Variants in DENND3 observed in about 807,000 individuals in gnomAD.
DENND3 encodes the protein DENN domain-containing protein 3.
A neutral mutation model predicts 135.1 loss-of-function variants in DENND3; 88 were observed. The ratio of observed to expected loss-of-function variants is 0.65; its 90% confidence interval spans 0.55 to 0.78. DENND3 has a LOEUF of 0.78. Among genes scored for constraint, DENND3 ranks in the 30% least tolerant of loss-of-function variants. DENND3 has a pLI of 0.00. For synonymous variants in DENND3, 693 were observed against 712.3 expected, an observed-to-expected ratio of 0.97 and a Z score of 0.43; for missense variants, 1,392 against 1,688.4, an observed-to-expected ratio of 0.82 and a Z score of 3.08.
chr8:141,135,909 C>T (rs1336125976), intron 1 of DENND3, among the ~76,000 whole-genome samples: 1 of 152,240 alleles, frequency 6.6e-6, no homozygotes, highest in Non-Finnish European at 1.5e-5. Flanking sequence ...TGCTGTTTCT[C>T]ACTCCATGCG....
In DENND3 at chr8:141,136,516, A is replaced by G. The variant is rs1359627162; in HGVS notation, c.110A>G (p.Tyr37Cys). 1.2e-5 allele frequency: 18 copies of G among 1,543,204 alleles called. No individual in the cohort carries two copies. The highest frequency in any genetic ancestry group is 2.4e-5 in the East Asian group (1 of 40,822). ...TATTTTTCCCTTTTTTAGGTTGCTTATAAAAAGGGAGTCAAACATCTTTCT... is the reference window on the plus strand; with the variant it reads ...TATTTTTCCCTTTTTTAGGTTGCTTGTAAAAAGGGAGTCAAACATCTTTCT... ...DSLRSLEQVAYKKGVKHLSAL... is the reference protein window; with the variant it reads ...DSLRSLEQVACKKGVKHLSAL... Residue 37 changes from tyrosine (Y) to cysteine (C), a missense_variant, in exon 2 of 23, where the codon TAT (tyrosine) becomes TGT (cysteine). Tyr to Cys is a radical substitution (Grantham distance 194). Coordinates refer to ENST00000519811, the MANE Select transcript of DENND3 (RefSeq NM_001352890.3).
In DENND3 at chr8:141,138,633, G is replaced by A. The variant is rs1179898142; in HGVS notation, c.501+496G>A. On this transcript the variant is annotated intron_variant, in intron 3 of 22. Coordinates refer to ENST00000519811, the MANE Select transcript of DENND3 (RefSeq NM_001352890.3). The surrounding 1 kb of genome is among the most constrained non-coding windows in gnomAD (Gnocchi z 4.8). ...ACTCCTGACCTCAGGTGATCCACCC[G>A]CCTCAGCCTCCCAAAGTGCTGGGAT... is the stretch of plus-strand genomic sequence containing the variant. Among the ~76,000 whole-genome samples, 7 of 152,072 alleles carry A rather than the reference G, an allele frequency of 4.6e-5. No homozygotes were observed. Among genetic ancestry groups the A allele is most frequent in the Non-Finnish European group, 8.8e-5 (6 of 68,008 alleles).
chr8:141,132,909 G>A (rs1480578774), intron 1 of DENND3, among the ~76,000 whole-genome samples: 1 of 152,198 alleles, frequency 6.6e-6, no homozygotes, highest in African/African-American at 2.4e-5. Flanking sequence ...CCAGGAGTGT[G>A]AATGAGGAAC....
intron 1 of DENND3, among the ~76,000 whole-genome samples, chr8:141,135,205 G>T (rs1296877227): frequency 2.0e-5 from 3 of 149,234 alleles, no homozygotes; most frequent in Non-Finnish European, 4.4e-5. Context: ...AGGCCGGAGC[G>T]CAGTGGTGTG....
At position 141,151,684 on chromosome 8, in the gene DENND3, G is replaced by A. The variant is rs377138571; in HGVS notation, c.921G>A (p.Thr307=). Reference sequence around the variant, plus strand: ...TCTCCTCGGACTGGGCTCTGCTGACGCTGGTCACTGAGTGCTTCATGGCCT... The same window carrying A: ...TCTCCTCGGACTGGGCTCTGCTGACACTGGTCACTGAGTGCTTCATGGCCT... ...VFFSSDWALL[T]LVTECFMAYL... Residue 307 remains threonine (T), a synonymous_variant, in exon 7 of 23, where the codon ACG becomes ACA. Transcript: ENST00000519811. 6.8e-6 allele frequency: 11 copies of A among 1,613,922 alleles called. No homozygotes were observed. The highest frequency in any genetic ancestry group is 5.3e-5 in the African/African-American group (4 of 74,868).
In DENND3 at chr8:141,157,077, C is replaced by T. The variant is rs141086459; in HGVS notation, c.1196+1107C>T. ...GATTACAGGCATGAACCACTGTGCC[C>T]GGCCTGGCACTTAATTTTTTCACAC... On this transcript the variant is annotated intron_variant, in intron 8 of 22. Coordinates refer to ENST00000519811, the MANE Select transcript of DENND3 (RefSeq NM_001352890.3). Among the ~76,000 whole-genome samples, 847 of 152,170 alleles carry T rather than the reference C, an allele frequency of 5.6e-3. 8 individuals carry two copies. Among genetic ancestry groups the T allele is most frequent in the African/African-American group, 0.018 (754 of 41,512 alleles).
intron 6 of DENND3, among the ~76,000 whole-genome samples, 197 bp from the exon 7 acceptor site, chr8:141,151,422 G>T (rs1315274346): frequency 6.6e-6 from 1 of 152,190 alleles, no homozygotes; most frequent in Non-Finnish European, 1.5e-5. Context: ...TGAGCTGGAT[G>T]TGGAGGCACG....
intron 15 of DENND3, chr8:141,177,045 C>T: frequency 2.5e-6 from 1 of 404,784 alleles, no homozygotes; most frequent in Non-Finnish European, 4.5e-6. Context: ...GGCGACATCC[C>T]AGAGAGTGGG....
chr8:141,178,292 G>A (rs1289589358), intron 16 of DENND3, 96 bp downstream of exon 16: 1 of 1,475,520 alleles, frequency 6.8e-7, no homozygotes, highest in Non-Finnish European at 9.0e-7. Context: ...GTAGAACCGA[G>A]CCCAGCTCCC....
At chr8:141,186,928 G>A (rs570836753) in intron 18 of DENND3, among the ~76,000 whole-genome samples, 54 of 152,294 alleles carry the variant, frequency 3.5e-4, no homozygotes, top group African/African-American at 1.3e-3. Context: ...CCGAGAGGCC[G>A]CTGAGTAGCT....
At position 141,154,068 on chromosome 8, in the gene DENND3, C is replaced by T. The variant is rs760872007; in HGVS notation, c.1075-1781C>T. On this transcript the variant is annotated intron_variant, in intron 7 of 22. Transcript: ENST00000519811. The surrounding 1 kb of genome is among the most constrained non-coding windows in gnomAD (Gnocchi z 4.4). ...CTGGGCGTTAACACATCCACGGGAC[C>T]GGCTGTGTGCCTCGCTGCTTTAGCG... Among the ~76,000 whole-genome samples, 8 of 152,218 alleles carry T rather than the reference C, an allele frequency of 5.3e-5. No individual in the cohort carries two copies. The highest frequency in any genetic ancestry group is 6.5e-5 in the Admixed American group (1 of 15,284).
intron 1 of DENND3, among the ~76,000 whole-genome samples, chr8:141,133,361 A>G (rs1816381524): frequency 6.6e-6 from 1 of 152,178 alleles, no homozygotes; most frequent in African/African-American, 2.4e-5. Flanking sequence ...CAGTATCATG[A>G]TGTGGCGAAA....
At chr8:141,161,012 C>T (rs1742145056) in intron 9 of DENND3, among the ~76,000 whole-genome samples, 1 of 152,180 alleles carries the variant, frequency 6.6e-6, no homozygotes, top group Non-Finnish European at 1.5e-5. Context: ...TTCCTAACAC[C>T]CTCTCCTGCT....
chr8:141,168,262 T>C lies in DENND3; in HGVS notation c.2012T>C (p.Phe671Ser). 1 of 1,614,178 alleles carries C rather than the reference T, an allele frequency of 6.2e-7. No individual in the cohort carries two copies. Among genetic ancestry groups the C allele is most frequent in the Non-Finnish European group, 8.5e-7 (1 of 1,180,038 alleles). ...CTGTATAAAACAGACATACGGATCTTTCCCACTGATTTGGTGAAGAGGACG... is the reference window on the plus strand; with the variant it reads ...CTGTATAAAACAGACATACGGATCTCTCCCACTGATTTGGTGAAGAGGACG... ...QNLYKTDIRI[F>S]PTDLVKRTVE... The change falls in exon 13 of 23, where the codon TTT (phenylalanine) becomes TCT (serine). Residue 671 changes from phenylalanine to serine, a missense_variant. Phe to Ser is a radical substitution (Grantham distance 155, BLOSUM62 -2). Transcript: ENST00000519811. The surrounding 1 kb of genome is among the most constrained non-coding windows in gnomAD (Gnocchi z 6.2).
At chr8:141,176,039 A>G (rs1757193353) in intron 14 of DENND3, 1 of 181,170 alleles carries the variant, frequency 5.5e-6, no homozygotes, top group African/African-American at 2.4e-5. Flanking sequence ...AGGGGACTGT[A>G]AGAGGCATGT....
At chr8:141,140,676 C>A (rs576498097) in intron 3 of DENND3, among the ~76,000 whole-genome samples, 2 of 152,324 alleles carry the variant, frequency 1.3e-5, no homozygotes, top group South Asian at 4.1e-4. Context: ...TATCATCATG[C>A]CCTTCCATCC....
chr8:141,152,049 C>CA, intron 7 of DENND3, among the ~76,000 whole-genome samples: 2 of 152,330 alleles, frequency 1.3e-5, no homozygotes, highest in Middle Eastern at 6.8e-3. Flanking sequence ...GGAGACAGGA[C>CA]AGTGAGTGTG....
At chr8:141,189,207 G>A (rs1236755836) in intron 19 of DENND3, 61 bp downstream of exon 19, 1 of 1,608,764 alleles carries the variant, frequency 6.2e-7, no homozygotes, top group East Asian at 2.2e-5. Context: ...AGAAGGCACA[G>A]CGGGTAGGGT....
chr8:141,193,758 CTGT>C (rs148152203), intron 22 of DENND3: 8,473 of 530,562 alleles, frequency 0.016, 163 homozygotes, highest in East Asian at 0.068. Flanking sequence ...ACACAGGTGG[CTGT>C]TGTTTGGTGA....
Sources: allele counts gnomAD v4.1 joint callset (sites outside exome capture counted in the v4.1 genomes callset), GRCh38; gene constraint gnomAD v4.1.1; non-coding constraint Gnocchi (gnomAD v3.1); transcripts MANE v1.5; gene names NCBI Gene and HGNC (gene_info 2026-07-23, HGNC 2026-07-21).